GALNT13: variants seen among roughly 807,000 people sequenced by gnomAD.
GALNT13 encodes the protein UDP-GalNAc:polypeptide N-acetylgalactosaminyltransferase 13.
A neutral mutation model predicts 64.2 loss-of-function variants in GALNT13; 28 were observed. That is an observed-to-expected ratio of 0.44 (90% confidence interval 0.32 to 0.60). GALNT13 has a LOEUF of 0.60. GALNT13 is among the 20% of genes least tolerant of loss of function. The pLI, the probability that GALNT13 is intolerant of heterozygous loss-of-function variation, is 0.05. For synonymous variants in GALNT13, 214 were observed against 224.6 expected (o/e 0.95, Z 0.42); for missense variants, 577 against 669.8 (o/e 0.86, Z 1.53).
chr2:153,111,017 T>C, the GALNT13 span, among the ~76,000 whole-genome samples: 3 of 152,274 alleles, frequency 2.0e-5, no homozygotes, highest in Non-Finnish European at 4.4e-5. Context: ...TCATCTGCTC[T>C]ATCTCCTTCC....
chr2:153,383,394 A>C, the GALNT13 span, among the ~76,000 whole-genome samples: 1 of 152,066 alleles, frequency 6.6e-6, no homozygotes, highest in African/African-American at 2.4e-5. Flanking sequence ...TCTCTAAATG[A>C]AAAATAATAT....
At chr2:154,354,928 T>C (rs1241945890) in intron 9 of GALNT13, among the ~76,000 whole-genome samples, 3 of 129,150 alleles carry the variant, frequency 2.3e-5, no homozygotes, top group African/African-American at 3.9e-5. Context: ...TCCCATTGTT[T>C]TCTCTGACAC....
At chr2:153,592,164 A>C in the GALNT13 span, among the ~76,000 whole-genome samples, 1 of 152,150 alleles carries the variant, frequency 6.6e-6, no homozygotes, top group African/African-American at 2.4e-5. Flanking sequence ...CAGAATGGCT[A>C]GCATTAAAGT....
chr2:154,274,739 G>A (rs1691545371), intron 8 of GALNT13, among the ~76,000 whole-genome samples: 3 of 151,990 alleles, frequency 2.0e-5, no homozygotes, highest in Non-Finnish European at 4.4e-5. Flanking sequence ...GCATGAGAAT[G>A]GACTAATACA....
At chr2:153,313,948 TCCAGTTATAC>T in the GALNT13 span, among the ~76,000 whole-genome samples, 130 of 152,312 alleles carry the variant, frequency 8.5e-4, no homozygotes, top group African/African-American at 3.0e-3. Context: ...CTCCAGTTTT[TCCAGTTATAC>T]CCTTTTCTGT....
At chr2:153,086,581 G>A in the GALNT13 span, among the ~76,000 whole-genome samples, 7 of 152,082 alleles carry the variant, frequency 4.6e-5, no homozygotes, top group Non-Finnish European at 8.8e-5. Flanking sequence ...CCATGATTGT[G>A]AGGCCTCCCC....
intron 9 of GALNT13, among the ~76,000 whole-genome samples, chr2:154,302,784 G>T (rs1240255457): frequency 6.6e-6 from 1 of 152,112 alleles, no homozygotes; most frequent in Non-Finnish European, 1.5e-5. Context: ...TAAGATAGGA[G>T]GTTGTGGAAA....
intron 8 of GALNT13, among the ~76,000 whole-genome samples, chr2:154,277,109 T>C (rs1335291094): frequency 1.3e-5 from 2 of 152,200 alleles, no homozygotes; most frequent in Non-Finnish European, 2.9e-5. Context: ...GCCTTTTGTT[T>C]TCCCTATGGA....
At chr2:154,096,241 A>G (rs532961065) in intron 3 of GALNT13, among the ~76,000 whole-genome samples, 4 of 152,054 alleles carry the variant, frequency 2.6e-5, no homozygotes, top group East Asian at 1.9e-4. Flanking sequence ...CACCAACTCC[A>G]TTACTGGTAT....
chr2:153,681,344 G>A, the GALNT13 span, among the ~76,000 whole-genome samples: 1 of 151,756 alleles, frequency 6.6e-6, no homozygotes, highest in South Asian at 2.1e-4. Flanking sequence ...AAGATATCTG[G>A]GAAACTGGAC....
At chr2:154,329,466 A>C (rs1463294659) in intron 9 of GALNT13, among the ~76,000 whole-genome samples, 2 of 152,244 alleles carry the variant, frequency 1.3e-5, no homozygotes, top group Admixed American at 1.3e-4. Context: ...CAAATTTATC[A>C]GTTTTTTACG....
chr2:154,033,544 C>A (rs868433672), intron 3 of GALNT13, among the ~76,000 whole-genome samples: 1 of 151,878 alleles, frequency 6.6e-6, no homozygotes. Context: ...ATATGAATGG[C>A]AAATAAGCAC....
chr2:153,452,037 C>T, the GALNT13 span, among the ~76,000 whole-genome samples: 2 of 152,248 alleles, frequency 1.3e-5, no homozygotes, highest in Admixed American at 6.5e-5. Flanking sequence ...AAACAGCCAG[C>T]ATCGCTTGTA....
chr2:153,445,340 A>G, the GALNT13 span, among the ~76,000 whole-genome samples: 1 of 152,216 alleles, frequency 6.6e-6, no homozygotes, highest in African/African-American at 2.4e-5. Context: ...GATAAAATTT[A>G]TTCTTTATTA....
At chr2:153,290,686 T>G in the GALNT13 span, among the ~76,000 whole-genome samples, 1 of 152,228 alleles carries the variant, frequency 6.6e-6, no homozygotes, top group Non-Finnish European at 1.5e-5. Context: ...ACCAAGGCAT[T>G]TGCTTTAAAA....
chr2:153,720,999 T>C, the GALNT13 span, among the ~76,000 whole-genome samples: 24 of 152,110 alleles, frequency 1.6e-4, no homozygotes, highest in East Asian at 1.7e-3. Flanking sequence ...AACTCCAAGA[T>C]ACATAATTGT....
At chr2:153,273,621 G>T in the GALNT13 span, among the ~76,000 whole-genome samples, 1 of 152,144 alleles carries the variant, frequency 6.6e-6, no homozygotes, top group African/African-American at 2.4e-5. Context: ...GATTTGTGAA[G>T]AAATATTTAT....
At chr2:154,361,036 G>T (rs546566564) in intron 9 of GALNT13, among the ~76,000 whole-genome samples, 1 of 152,054 alleles carries the variant, frequency 6.6e-6, no homozygotes, top group Non-Finnish European at 1.5e-5. Flanking sequence ...AACAATTGGA[G>T]CATGGAGTGA....
the GALNT13 span, among the ~76,000 whole-genome samples, chr2:153,457,335 A>AT: frequency 6.6e-6 from 1 of 152,344 alleles, no homozygotes; most frequent in East Asian, 1.9e-4. Flanking sequence ...TACCTGCCAG[A>AT]CTAGTACTTA....
Sources: allele counts gnomAD v4.1 joint callset (sites outside exome capture counted in the v4.1 genomes callset), GRCh38; gene constraint gnomAD v4.1.1; transcripts MANE v1.5; gene names NCBI Gene and HGNC (gene_info 2026-07-23, HGNC 2026-07-21).